Variants in SCAPER observed in about 807,000 individuals in gnomAD.
The protein encoded by SCAPER is S-phase cyclin A associated protein in the ER.
In SCAPER, 98 loss-of-function variants were observed where a neutral mutation model predicts 182.2. The observed-to-expected ratio is 0.54, with a 90% CI of 0.46 to 0.64. The LOEUF is 0.64. SCAPER is among the 30% of genes least tolerant of loss of function. The pLI is 0.00. For missense variants in SCAPER, 1,432 were observed against 1,690.0 expected, an observed-to-expected ratio of 0.85 and a Z score of 2.68; for synonymous variants, 605 against 564.6, an observed-to-expected ratio of 1.07 and a Z score of -1.01.
intron 9 of SCAPER, among the ~76,000 whole-genome samples, chr15:76,772,421 A>C (rs1022558768): frequency 3.3e-5 from 5 of 151,978 alleles, no homozygotes; most frequent in African/African-American, 1.2e-4. Flanking sequence ...ACAACAATAT[A>C]TTTGGAGGGC....
chr15:76,830,044 A>C (rs890876251), intron 5 of SCAPER, among the ~76,000 whole-genome samples: 5 of 152,228 alleles, frequency 3.3e-5, no homozygotes, highest in African/African-American at 1.2e-4. Context: ...CTTAGGCTGA[A>C]ATGTAAATTA....
At chr15:76,899,311 C>T (rs988915779) in intron 1 of SCAPER, among the ~76,000 whole-genome samples, 5 of 152,144 alleles carry the variant, frequency 3.3e-5, no homozygotes, top group Admixed American at 1.3e-4. Context: ...GTTCCAGGCA[C>T]GCGCCGCCAC....
intron 25 of SCAPER, among the ~76,000 whole-genome samples, chr15:76,462,016 A>G (rs1458906506): frequency 1.3e-5 from 2 of 152,174 alleles, no homozygotes; most frequent in Admixed American, 6.6e-5. Flanking sequence ...GGTATTTGTA[A>G]ATACTTAGGG....
At chr15:76,413,705 T>C (rs966505329) in intron 26 of SCAPER, among the ~76,000 whole-genome samples, 14 of 152,330 alleles carry the variant, frequency 9.2e-5, no homozygotes, top group African/African-American at 1.9e-4. Context: ...ATTTTAAAGA[T>C]TGGGGTTTCC....
intron 23 of SCAPER, among the ~76,000 whole-genome samples, chr15:76,514,152 C>G (rs933131512): frequency 5.9e-5 from 9 of 152,160 alleles, no homozygotes; most frequent in African/African-American, 2.2e-4. Context: ...TTTTCTAATT[C>G]TCTGCATTCA....
chr15:76,365,849 C>G (rs1468869844), intron 29 of SCAPER, among the ~76,000 whole-genome samples: 1 of 152,208 alleles, frequency 6.6e-6, no homozygotes, highest in East Asian at 1.9e-4. Flanking sequence ...TGTGAACCTG[C>G]AGACATAATA....
intron 19 of SCAPER, 115 bp downstream of exon 19, chr15:76,702,735 T>A (rs2059027103): frequency 8.2e-7 from 1 of 1,215,078 alleles, no homozygotes; most frequent in Non-Finnish European, 1.1e-6. Flanking sequence ...AGGTGTGAGC[T>A]GCCACATCTC....
intron 22 of SCAPER, among the ~76,000 whole-genome samples, chr15:76,587,829 T>C (rs2048783468): frequency 6.6e-6 from 1 of 152,220 alleles, no homozygotes; most frequent in Non-Finnish European, 1.5e-5. Context: ...GTTTCCTTGT[T>C]GACTTTCTGT....
rs558396170 is a variant in SCAPER, at chr15:76,816,996, T to C, written c.394-12363A>G. On this transcript the variant is annotated intron_variant, in intron 5 of 31. Coordinates refer to ENST00000563290, the MANE Select transcript of SCAPER (RefSeq NM_020843.4). ...ATCATCATCATCAAGTACTGTGTAC[T>C]GTACACAACTGTATGCACTATACTT... Among the ~76,000 whole-genome samples, 384 of 152,328 alleles carry C rather than the reference T, an allele frequency of 2.5e-3. 2 individuals carry two copies. Among genetic ancestry groups the C allele is most frequent in the South Asian group, 4.4e-3 (21 of 4,824 alleles).
In SCAPER at chr15:76,412,921, T is replaced by C. The variant is rs1596490949; in HGVS notation, c.3312-8242A>G. On this transcript the variant is annotated intron_variant, in intron 26 of 31. Coordinates refer to ENST00000563290, the MANE Select transcript of SCAPER (RefSeq NM_020843.4). ...GGTCTTTAATTTCTCTCGGTAATGC[T>C]TTGTAGAGGTGTTGCTTTACTTTCA... is the stretch of plus-strand genomic sequence containing the variant. Among the ~76,000 whole-genome samples the C allele has an allele frequency of 3.9e-5, 6 of 152,212 alleles. No individual in the cohort carries two copies. The South Asian group carries it at 1.2e-3, about 31-fold the overall frequency.
intron 20 of SCAPER, among the ~76,000 whole-genome samples, chr15:76,687,308 CAATAT>C (rs1238100997): frequency 4.6e-5 from 7 of 151,894 alleles, no homozygotes; most frequent in Non-Finnish European, 1.0e-4. Flanking sequence ...TAAAATGTTA[CAATAT>C]ATTAAACTAC....
At chr15:76,734,903 A>C (rs1040598304) in intron 15 of SCAPER, among the ~76,000 whole-genome samples, 24 of 152,184 alleles carry the variant, frequency 1.6e-4, no homozygotes, top group African/African-American at 5.8e-4. Flanking sequence ...TATATATGAT[A>C]AACAAGTATG....
At chr15:76,510,142 A>G (rs2143983885) in intron 23 of SCAPER, among the ~76,000 whole-genome samples, 1 of 152,344 alleles carries the variant, frequency 6.6e-6, no homozygotes, top group East Asian at 1.9e-4. Flanking sequence ...AATATCGGAA[A>G]AACTCTTCTA....
At chr15:76,780,448 G>A (rs2064046788) in intron 8 of SCAPER, among the ~76,000 whole-genome samples, 1 of 152,254 alleles carries the variant, frequency 6.6e-6, no homozygotes, top group South Asian at 2.1e-4. Flanking sequence ...TCTGTGGCCA[G>A]AGCATAGCTG....
chr15:76,463,040 C>A (rs1397142299), intron 25 of SCAPER, among the ~76,000 whole-genome samples: 1 of 152,080 alleles, frequency 6.6e-6, no homozygotes, highest in Non-Finnish European at 1.5e-5. Flanking sequence ...AGACTACATA[C>A]TATGAAGACC....
intron 21 of SCAPER, among the ~76,000 whole-genome samples, chr15:76,627,072 T>G (rs541224639): frequency 5.3e-5 from 8 of 152,194 alleles, no homozygotes; most frequent in Non-Finnish European, 1.0e-4. Context: ...TTGGTAAGAT[T>G]AAAAATTTCA....
chr15:76,452,146 T>C (rs2048410116), intron 25 of SCAPER, among the ~76,000 whole-genome samples: 1 of 152,218 alleles, frequency 6.6e-6, no homozygotes, highest in African/African-American at 2.4e-5. Context: ...TGTATGAATC[T>C]TACCCTTGTT....
chr15:76,643,510 C>T (rs1485284984), intron 21 of SCAPER, among the ~76,000 whole-genome samples: 5 of 151,662 alleles, frequency 3.3e-5, no homozygotes, highest in African/African-American at 4.8e-5. Context: ...GGTGAAACCC[C>T]GTCTCTACTA....
At position 76,602,600 on chromosome 15, in the gene SCAPER, G is replaced by T. The variant is rs2050003968; in HGVS notation, c.2711+19164C>A. On this transcript the variant is annotated intron_variant, in intron 22 of 31. Transcript: ENST00000563290. ...TATTCTCTAAACTTCCTGGATCTAG[G>T]ATTTGGTGTCTGTCACTAATTTGGG... Among the ~76,000 whole-genome samples the T allele has an allele frequency of 1.7e-5, 2 of 120,482 alleles. 1 individual carries two copies. Among genetic ancestry groups the T allele is most frequent in the South Asian group, 5.1e-4 (2 of 3,948 alleles). The allele number at this position is 120,482 out of a possible 152,430, so 79.0% of individuals were successfully genotyped here. A position where few individuals can be genotyped will look rare whatever the true frequency, so the allele number is the denominator to read the frequency against.
Sources: gnomAD v4.1 joint callset for allele counts (sites outside exome capture counted in the v4.1 genomes callset) on GRCh38, gnomAD v4.1.1 for gene constraint, MANE v1.5 for transcripts, NCBI Gene and HGNC (gene_info 2026-07-23, HGNC 2026-07-21) for gene names.